HK3: variants seen among roughly 807,000 people sequenced by gnomAD.
The protein encoded by HK3 is hexokinase 3, also known as hexokinase-3.
Under a neutral mutation model 91.0 loss-of-function variants are expected in HK3, and 93 were observed. The observed-to-expected ratio is 1.02, with a 90% CI of 0.86 to 1.21. The LOEUF (loss-of-function observed/expected upper bound fraction) is 1.21, where lower values mean the gene tolerates loss of function less well. Ranked by LOEUF, HK3 falls within the 50% of genes most tolerant of loss-of-function variation. The pLI is 0.00. For synonymous variants in HK3, 519 were observed against 516.9 expected (o/e 1.00, Z -0.06); for missense variants, 1,235 against 1,247.4 (o/e 0.99, Z 0.15).
intron 2 of HK3, among the ~76,000 whole-genome samples, chr5:176,894,268 C>T (rs1758851831): frequency 6.6e-6 from 1 of 152,184 alleles, no homozygotes; most frequent in South Asian, 2.1e-4. Context: ...ACGTGGTTAA[C>T]TAACTTTTTT....
rs1173537754 is a variant in HK3 at position 176,887,159 on chromosome 5, G to GCCCTT, written c.1737+37_1738-39dup. On this transcript the variant is annotated intron_variant, in intron 12 of 18. Coordinates refer to ENST00000292432, the MANE Select transcript of HK3 (RefSeq NM_002115.3). The surrounding 1 kb of genome is among the most constrained non-coding windows in gnomAD (Gnocchi z 4.9). ...ACAGGTCAGGCGTAGGCACTGCTCAGCCCTTCCCCACCTCTGACATCAAGG... is the reference window on the plus strand; with the variant it reads ...ACAGGTCAGGCGTAGGCACTGCTCAGCCCTTCCCTTCCCCACCTCTGACATCAAGG... 1.2e-6 allele frequency: 2 copies of GCCCTT among 1,614,168 alleles called. No individual in the cohort carries two copies. Among genetic ancestry groups the GCCCTT allele is most frequent in the South Asian group, 1.1e-5 (1 of 91,084 alleles).
chr5:176,898,128 C>CA (rs1758950813), intron 1 of HK3, among the ~76,000 whole-genome samples: 3 of 152,200 alleles, frequency 2.0e-5, no homozygotes, highest in Admixed American at 6.5e-5. Context: ...CCACACACTG[C>CA]ACCAGACCAT....
Position 176,881,731 on chromosome 5 carries a change from C to G in HK3, c.2354G>C (p.Arg785Thr). 4.3e-6 allele frequency: 7 copies of G among 1,614,176 alleles called. No homozygotes were observed. Among genetic ancestry groups the G allele is most frequent in the Non-Finnish European group, 5.9e-6 (7 of 1,180,042 alleles). Residue 785 changes from arginine to threonine, a missense_variant, in exon 17 of 19, where the codon AGG becomes ACG. Coordinates refer to ENST00000292432, the MANE Select transcript of HK3 (RefSeq NM_002115.3). ...RGQQIQRLQT[R>T]DIFKTKFLSE... ...GAGGAACTTGGTCTTGAAGATGTCC[C>G]TGGTCTGAAGGCGCTGGATCTGCTG... is the stretch of plus-strand genomic sequence containing the variant.
At chr5:176,892,152 C>T (rs575604366) in intron 2 of HK3, among the ~76,000 whole-genome samples, 3 of 152,326 alleles carry the variant, frequency 2.0e-5, no homozygotes, top group Non-Finnish European at 4.4e-5. Context: ...CAAGAAGCAA[C>T]AAATGCTTTA....
chr5:176,882,445 C>T lies in HK3; in HGVS notation c.2054-318G>A, dbSNP rs529697375. ...GACATGTGACATCCCCCGCCCTCGC[C>T]CCTAGCTCTCTGCGGTTGAGAGGCC... On this transcript the variant is annotated intron_variant, in intron 15 of 18. Coordinates refer to ENST00000292432, the MANE Select transcript of HK3 (RefSeq NM_002115.3). Among the ~76,000 whole-genome samples the T allele has an allele frequency of 2.0e-5, 3 of 152,356 alleles. No homozygotes were observed. The East Asian group carries it at 5.8e-4, about 29-fold the overall frequency.
rs550174396 is a variant in HK3 at position 176,881,464 on chromosome 5, G to T, written c.2465C>A (p.Ala822Asp). The change falls in exon 18 of 19, where the codon GCC becomes GAC. Residue 822 changes from alanine (A) to aspartate (D), a missense_variant. Around this residue, in one of 3 missense-constraint regions of HK3, gnomAD observed 513 missense variants for 477.4 expected, o/e 1.07. Transcript: ENST00000292432. ...CTGGCACACCTCTAGCACCATCAGGGCGTCATCTGAGGTCAGGGGTAGCCC... is the reference window on the plus strand; with the variant it reads ...CTGGCACACCTCTAGCACCATCAGGTCGTCATCTGAGGTCAGGGGTAGCCC... ...DLGLPLTSDDALMVLEVCQAV... is the reference protein window; with the variant it reads ...DLGLPLTSDDDLMVLEVCQAV... The T allele has an allele frequency of 3.1e-6, 5 of 1,609,142 alleles. No individual in the cohort carries two copies. The Admixed American group carries it at 6.7e-5, about 21-fold the overall frequency.
At chr5:176,898,771 C>G (rs1226027369) in intron 1 of HK3, among the ~76,000 whole-genome samples, 1 of 152,216 alleles carries the variant, frequency 6.6e-6, no homozygotes, top group Non-Finnish European at 1.5e-5. Context: ...GAATGGGCTA[C>G]ACGAAGTGAG....
intron 17 of HK3, 41 bp from the exon 18 acceptor site, chr5:176,881,576 T>A: frequency 6.3e-7 from 1 of 1,586,714 alleles, no homozygotes; most frequent in South Asian, 1.1e-5. Flanking sequence ...AGGTGGGTCG[T>A]GACTTCTCCC....
At chr5:176,896,454 T>C (rs1399927264) in intron 1 of HK3, among the ~76,000 whole-genome samples, 1 of 152,244 alleles carries the variant, frequency 6.6e-6, no homozygotes. Context: ...CACCAGTTCC[T>C]GATGCCTGCT....
At position 176,884,226 on chromosome 5, in the gene HK3, GC is replaced by G; in HGVS notation, c.1858-93del. On this transcript the variant is annotated intron_variant, in intron 13 of 18. Transcript: ENST00000292432. This position sits in a 1 kb window ranked among gnomAD's most constrained non-coding sequence, Gnocchi z 4.1. Reference sequence around the variant, plus strand: ...AAACCTGCATCCATCACAAGCCTAGGCTTTCCACCCTCCCCAAGCACAATTC... The same window carrying G: ...AAACCTGCATCCATCACAAGCCTAGGTTTCCACCCTCCCCAAGCACAATTC... 1 of 1,045,430 alleles carries G rather than the reference GC, an allele frequency of 9.6e-7. No homozygotes were observed. The highest frequency in any genetic ancestry group is 1.5e-6 in the Non-Finnish European group (1 of 669,002). The allele number at this position is 1,045,430 out of a possible 1,614,324, so 64.8% of individuals were successfully genotyped here.
At chr5:176,896,373 T>C (rs938679050) in intron 1 of HK3, among the ~76,000 whole-genome samples, 188 bp from the exon 2 acceptor site, 8 of 152,226 alleles carry the variant, frequency 5.3e-5, no homozygotes, top group African/African-American at 1.9e-4. Flanking sequence ...CAAGCATGTC[T>C]AATGAGAGAG....
intron 1 of HK3, among the ~76,000 whole-genome samples, chr5:176,898,896 G>C (rs906517556): frequency 1.3e-5 from 2 of 152,230 alleles, no homozygotes; most frequent in African/African-American, 4.8e-5. Context: ...ACTTTGGGAG[G>C]CTGAGGCAGA....
chr5:176,887,768 C>A lies in HK3; in HGVS notation c.1305-22G>T. On this transcript the variant is annotated intron_variant, in intron 10 of 18. Coordinates refer to ENST00000292432, the MANE Select transcript of HK3 (RefSeq NM_002115.3). This position sits in a 1 kb window ranked among gnomAD's most constrained non-coding sequence, Gnocchi z 4.9. ...GAACCTACAGATACATACAGGTGCA[C>A]CCGGCTTGGCCCTGGACCCCCAGAC... is the stretch of plus-strand genomic sequence containing the variant. 3 of 1,579,684 alleles carry A rather than the reference C, an allele frequency of 1.9e-6. No individual in the cohort carries two copies. In the South Asian group the frequency reaches 3.5e-5, roughly 18 times the overall value.
chr5:176,890,978 T>A lies in HK3; in HGVS notation c.415-37A>T, dbSNP rs199651371. 2.6e-4 allele frequency: 421 copies of A among 1,613,982 alleles called. 4 individuals are homozygous for A. The African/African-American group carries it at 5.3e-3, about 20-fold the overall frequency. On this transcript the variant is annotated intron_variant, in intron 4 of 18. Transcript: ENST00000292432. ...GTGGGGGGGCTCAGCCTTGCCCATC[T>A]GAGCCCTAGCCACCCAGCCAGGCCC... is the stretch of plus-strand genomic sequence containing the variant.
chr5:176,884,200 A>G lies in HK3; in HGVS notation c.1858-66T>C. The stretch of plus-strand genomic sequence containing the variant: ...CCCTTCAGGCTCACTCTGCCTCTGC[A>G]AAACCTGCATCCATCACAAGCCTAG... On this transcript the variant is annotated intron_variant, in intron 13 of 18. Coordinates refer to ENST00000292432, the MANE Select transcript of HK3 (RefSeq NM_002115.3). This position sits in a 1 kb window ranked among gnomAD's most constrained non-coding sequence, Gnocchi z 4.1. 2.3e-6 allele frequency: 3 copies of G among 1,282,794 alleles called. No homozygotes were observed. In the South Asian group the frequency reaches 3.6e-5, roughly 15 times the overall value. 79.5% of individuals were successfully genotyped at this position (1,282,794 alleles called of 1,614,324 possible).
chr5:176,889,293 G>A, intron 8 of HK3, 88 bp downstream of exon 8: 1 of 1,419,204 alleles, frequency 7.0e-7, no homozygotes, highest in African/African-American at 1.4e-5. Context: ...GGGGCCTAAG[G>A]GCCTGAGAAC....
In HK3 at chr5:176,887,785, C is replaced by A. The variant is rs751185798; in HGVS notation, c.1305-39G>T. On this transcript the variant is annotated intron_variant, in intron 10 of 18. Transcript: ENST00000292432. This position sits in a 1 kb window ranked among gnomAD's most constrained non-coding sequence, Gnocchi z 4.9. ...CAGGTGCACCCGGCTTGGCCCTGGA[C>A]CCCCAGACACACACAGGTGTGCACG... is the stretch of plus-strand genomic sequence containing the variant. The A allele has an allele frequency of 1.9e-6, 3 of 1,566,122 alleles. No individual in the cohort carries two copies. The East Asian group carries it at 6.8e-5, about 35-fold the overall frequency.
At chr5:176,885,781 C>T (rs996785955) in intron 13 of HK3, among the ~76,000 whole-genome samples, 6 of 151,802 alleles carry the variant, frequency 4.0e-5, no homozygotes, top group Non-Finnish European at 4.4e-5. Flanking sequence ...TTGCCCCCAC[C>T]CCGCCCCCCG....
At position 176,887,370 on chromosome 5, in the gene HK3, G is replaced by C. The variant is rs566745266; in HGVS notation, c.1601-33C>G. On this transcript the variant is annotated intron_variant, in intron 11 of 18. Coordinates refer to ENST00000292432, the MANE Select transcript of HK3 (RefSeq NM_002115.3). The surrounding 1 kb of genome is among the most constrained non-coding windows in gnomAD (Gnocchi z 4.9). ...GGCAGAGACCCTCAGTGCCGGGATA[G>C]GGCTTGTGGCTCCAGCCCCAGCACA... The C allele has an allele frequency of 6.2e-7, 1 of 1,613,694 alleles. No homozygotes were observed. Among genetic ancestry groups the C allele is most frequent in the Admixed American group, 1.7e-5 (1 of 60,030 alleles).
Sources: gnomAD v4.1 joint callset for allele counts (sites outside exome capture counted in the v4.1 genomes callset) on GRCh38, gnomAD v4.1.1 for gene constraint, gnomAD v4.1.1 regional missense constraint, Gnocchi (gnomAD v3.1) non-coding constraint, MANE v1.5 for transcripts, NCBI Gene and HGNC (gene_info 2026-07-23, HGNC 2026-07-21) for gene names.